The following CEP290 variants were observed in gnomAD, a reference collection of about 807,000 sequenced individuals.
The protein encoded by CEP290 is centrosomal protein of 290 kDa.
Under a neutral mutation model 344.9 loss-of-function variants are expected in CEP290, and 317 were observed. That is an observed-to-expected ratio of 0.92 (90% CI 0.84 to 1.01). The LOEUF is 1.01. Ranked by LOEUF, CEP290 falls within the 50% of genes least tolerant of loss-of-function variation. CEP290 has a pLI of 0.00. For missense variants in CEP290, 2,754 were observed against 2,761.4 expected, an observed-to-expected ratio of 1.00 and a Z score of 0.06; for synonymous variants, 932 against 895.8, an observed-to-expected ratio of 1.04 and a Z score of -0.72.
At chr12:88,079,580 T>C (rs2036038739) in intron 38 of CEP290, among the ~76,000 whole-genome samples, 4 of 152,154 alleles carry the variant, frequency 2.6e-5, no homozygotes, top group Admixed American at 6.5e-5. Context: ...ATGAAATTAA[T>C]TGAATTTAGG....
intron 3 of CEP290, 103 bp downstream of exon 3, chr12:88,140,853 T>C: frequency 1.5e-6 from 1 of 685,608 alleles, no homozygotes; most frequent in South Asian, 2.0e-5. Flanking sequence ...AGTGGTGATG[T>C]AGATATTACC....
At chr12:88,065,822 G>A (rs928073894) in intron 44 of CEP290, among the ~76,000 whole-genome samples, 1 of 151,990 alleles carries the variant, frequency 6.6e-6, no homozygotes, top group Non-Finnish European at 1.5e-5. Flanking sequence ...CTTGCATTTT[G>A]AAATAATAAA....
intron 22 of CEP290, 37 bp downstream of exon 22, chr12:88,111,165 G>A (rs1466756566): frequency 6.6e-6 from 8 of 1,212,644 alleles, no homozygotes; most frequent in Non-Finnish European, 8.7e-6. Flanking sequence ...TTATTCACAT[G>A]TAAAATTTTC....
At chr12:88,100,238 C>T (rs2037771387) in intron 26 of CEP290, among the ~76,000 whole-genome samples, 1 of 151,840 alleles carries the variant, frequency 6.6e-6, no homozygotes, top group South Asian at 2.1e-4. Flanking sequence ...CCACTGCACT[C>T]CAGCCTGGGC....
Position 88,109,101 on chromosome 12 carries a change from A to G in CEP290, c.2448T>C (p.Arg816=), listed in dbSNP as rs371851348. 2 of 1,449,826 alleles carry G rather than the reference A, an allele frequency of 1.4e-6. No homozygotes were observed. Among genetic ancestry groups the G allele is most frequent in the Non-Finnish European group, 1.9e-6 (2 of 1,080,334 alleles). 89.8% of individuals were successfully genotyped at this position (1,449,826 alleles called of 1,614,324 possible). A position where few individuals can be genotyped will look rare whatever the true frequency, so the allele number is the denominator to read the frequency against. ...EDYNRKFAVI[R]HQQSLLYKEY... ...CTTTATACAACAAACTTTGTTGATG[A>G]CGAATTACAGCAAATTTTCTGTTGT... Residue 816 remains arginine, a synonymous_variant, in exon 23 of 54, where the codon CGT becomes CGC. Transcript: ENST00000552810.
chr12:88,096,823 T>C, intron 27 of CEP290, 65 bp downstream of exon 27: 1 of 841,842 alleles, frequency 1.2e-6, no homozygotes, highest in Non-Finnish European at 1.8e-6. Flanking sequence ...AAAAAGGAAC[T>C]TTAAATAAGA....
At chr12:88,127,619 A>G (rs963808845) in intron 11 of CEP290, among the ~76,000 whole-genome samples, 2 of 152,230 alleles carry the variant, frequency 1.3e-5, no homozygotes, top group African/African-American at 2.4e-5. Context: ...TTAACTAAGC[A>G]TAAAAAGAAA....
At chr12:88,088,994 C>A in intron 31 of CEP290, 38 bp downstream of exon 31, 1 of 1,405,716 alleles carries the variant, frequency 7.1e-7, no homozygotes, top group Non-Finnish European at 9.6e-7. Flanking sequence ...GATCAAGATA[C>A]TGTCTCTTAA....
intron 27 of CEP290, among the ~76,000 whole-genome samples, chr12:88,096,449 A>G (rs1056455896): frequency 3.9e-5 from 6 of 152,182 alleles, no homozygotes; most frequent in African/African-American, 1.4e-4. Flanking sequence ...AAAAATATAC[A>G]GTAATATAGT....
chr12:88,100,864 A>G (rs1157976892), intron 26 of CEP290, among the ~76,000 whole-genome samples: 2 of 152,230 alleles, frequency 1.3e-5, no homozygotes, highest in Admixed American at 1.3e-4. Flanking sequence ...CCCTATATAT[A>G]GAAAAGAGCA....
rs942240023 is a variant in CEP290, at chr12:88,136,464, G to A, written c.441+179C>T. ...AATCTTCAAGTCATATTCACTAGAA[G>A]TACCATTATATTTTAAAATTGGTGA... is the stretch of plus-strand genomic sequence containing the variant. On this transcript the variant is annotated intron_variant, in intron 6 of 53. Coordinates refer to ENST00000552810, the MANE Select transcript of CEP290 (RefSeq NM_025114.4). The A allele has an allele frequency of 9.9e-6, 6 of 606,848 alleles. No individual in the cohort carries two copies. In the African/African-American group the frequency reaches 1.1e-4, roughly 11 times the overall value. The allele number at this position is 606,848 out of a possible 1,614,324, so 37.6% of individuals were successfully genotyped here. A position where few individuals can be genotyped will look rare whatever the true frequency, so the allele number is the denominator to read the frequency against.
chr12:88,117,588 G>T (rs2039131975), intron 17 of CEP290, among the ~76,000 whole-genome samples: 3 of 152,176 alleles, frequency 2.0e-5, no homozygotes. Flanking sequence ...TTTGGGGCAA[G>T]TGAAAAAGAC....
chr12:88,078,211 GAATT>G (rs1473250163), intron 39 of CEP290, among the ~76,000 whole-genome samples: 8 of 150,872 alleles, frequency 5.3e-5, no homozygotes, highest in Non-Finnish European at 1.2e-4. Context: ...CATTTTGGCT[GAATT>G]AATTAAACAA....
At chr12:88,141,436 A>T in intron 1 of CEP290, 102 bp from the exon 2 acceptor site, 1 of 548,728 alleles carries the variant, frequency 1.8e-6, no homozygotes, top group African/African-American at 2.0e-5. Flanking sequence ...TAACTTTCTG[A>T]TGTTAGCAAA....
chr12:88,056,392 T>G (rs2034006486), intron 49 of CEP290, among the ~76,000 whole-genome samples: 1 of 152,052 alleles, frequency 6.6e-6, no homozygotes, highest in Non-Finnish European at 1.5e-5. Flanking sequence ...AAGACTGCAT[T>G]CTAAGTTAAA....
intron 14 of CEP290, 67 bp from the exon 15 acceptor site, chr12:88,120,343 A>AT (rs527630483): frequency 2.8e-3 from 2,195 of 773,408 alleles, no homozygotes; most frequent in South Asian, 3.9e-3. Flanking sequence ...CAAGTTCATG[A>AT]TTTTTTTTTT....
intron 11 of CEP290, among the ~76,000 whole-genome samples, chr12:88,128,661 C>T (rs540476631): frequency 9.3e-4 from 141 of 152,086 alleles, no homozygotes; most frequent in African/African-American, 3.3e-3. Context: ...AATTATATTT[C>T]GAATTATATA....
intron 32 of CEP290, among the ~76,000 whole-genome samples, chr12:88,087,051 G>A (rs906869251): frequency 1.3e-5 from 2 of 152,162 alleles, no homozygotes; most frequent in African/African-American, 4.8e-5. Context: ...GGCACTGACA[G>A]TGTAAATACC....
Position 88,096,964 on chromosome 12 carries a change from A to G in CEP290, c.3027T>C (p.Ser1009=). Reference sequence around the variant, plus strand: ...TGGTAATCTCCAGTTCTTTATTTATAGACTCCACTTGTTCTTTTAAGGAGA... The same window carrying G: ...TGGTAATCTCCAGTTCTTTATTTATGGACTCCACTTGTTCTTTTAAGGAGA... The part of the protein sequence containing the change: ...ENISLKEQVE[S]INKELEITKE... Residue 1009 remains serine (S), a synonymous_variant, in exon 27 of 54, where the codon TCT becomes TCC. Coordinates refer to ENST00000552810, the MANE Select transcript of CEP290 (RefSeq NM_025114.4). 1 of 1,572,628 alleles carries G rather than the reference A, an allele frequency of 6.4e-7. No homozygotes were observed. The highest frequency in any genetic ancestry group is 8.6e-7 in the Non-Finnish European group (1 of 1,156,300).
Sources: gnomAD v4.1 joint callset for allele counts (sites outside exome capture counted in the v4.1 genomes callset) on GRCh38, gnomAD v4.1.1 for gene constraint, MANE v1.5 for transcripts, NCBI Gene and HGNC (gene_info 2026-07-23, HGNC 2026-07-21) for gene names.